The following TRAPPC10 variants were observed in gnomAD, a reference collection of about 807,000 sequenced individuals.
The protein encoded by TRAPPC10 is TRAPP 130 kDa subunit.
TRAPPC10 carries 23 observed loss-of-function variants against 125.5 expected under a neutral mutation model. That is an observed-to-expected ratio of 0.18 (90% CI 0.13 to 0.26). The LOEUF is 0.26. Among genes scored for constraint, TRAPPC10 ranks in the 10% least tolerant of loss-of-function variants. The probability of loss-of-function intolerance (pLI) is 1.00; values close to 1 mark genes in which losing one functional copy is unlikely to be tolerated. For synonymous variants in TRAPPC10, 509 were observed against 518.0 expected (o/e 0.98, Z 0.24); for missense variants, 1,123 against 1,308.4 (o/e 0.86, Z 2.19).
chr21:44,044,286 CTT>C (rs11423988), intron 3 of TRAPPC10, among the ~76,000 whole-genome samples: 1 of 150,694 alleles, frequency 6.6e-6, no homozygotes, highest in African/African-American at 2.5e-5. Flanking sequence ...TTGAATGAGA[CTT>C]TTTTCCTTAA....
At chr21:44,056,502 A>T (rs1041084717) in intron 5 of TRAPPC10, among the ~76,000 whole-genome samples, 4 of 152,192 alleles carry the variant, frequency 2.6e-5, no homozygotes, top group African/African-American at 9.7e-5. Context: ...ACCTGAATGA[A>T]ATGATAAGGC....
At chr21:44,049,990 C>T (rs1352401929) in intron 3 of TRAPPC10, among the ~76,000 whole-genome samples, 1 of 152,004 alleles carries the variant, frequency 6.6e-6, no homozygotes, top group Non-Finnish European at 1.5e-5. Context: ...TACAATTCTC[C>T]TGCCTCAGCC....
chr21:44,089,860 T>G lies in TRAPPC10; in HGVS notation c.2797T>G (p.Tyr933Asp), dbSNP rs771794167. 1 of 1,613,954 alleles carries G rather than the reference T, an allele frequency of 6.2e-7. No individual in the cohort carries two copies. The highest frequency in any genetic ancestry group is 1.1e-5 in the South Asian group (1 of 91,062). Residue 933 changes from tyrosine (Y) to aspartate (D), a missense_variant, in exon 18 of 23, where the codon TAC becomes GAC. Tyr to Asp is a radical substitution (Grantham distance 160). Around this residue, in one of 4 missense-constraint regions of TRAPPC10, gnomAD observed 840 missense variants for 902.0 expected, o/e 0.93. Transcript: ENST00000291574. ...KVSIDCPWSI[Y>D]STVIALTFSV... ...GTCGATTGACTGCCCGTGGTCCATCTACTCCACAGTCATCGCACTGACCTT... is the reference window on the plus strand; with the variant it reads ...GTCGATTGACTGCCCGTGGTCCATCGACTCCACAGTCATCGCACTGACCTT...
intron 19 of TRAPPC10, among the ~76,000 whole-genome samples, chr21:44,092,864 T>A (rs898785150): frequency 1.3e-5 from 2 of 152,236 alleles, no homozygotes; most frequent in Non-Finnish European, 2.9e-5. Flanking sequence ...TCGTGTGATC[T>A]TGCCTCACTG....
At chr21:44,023,126 G>A (rs138479832) in intron 1 of TRAPPC10, among the ~76,000 whole-genome samples, 47 of 136,404 alleles carry the variant, frequency 3.4e-4, no homozygotes, top group African/African-American at 8.5e-4. Flanking sequence ...TCCACCTCCC[G>A]GGTTCACGCC....
chr21:44,062,839 A>G, intron 6 of TRAPPC10: 1 of 985,400 alleles, frequency 1.0e-6, no homozygotes, highest in Non-Finnish European at 1.2e-6. Context: ...TGGTTATGAC[A>G]CCTCTCTGTT....
At chr21:44,040,092 T>C (rs2034303317) in intron 3 of TRAPPC10, among the ~76,000 whole-genome samples, 1 of 152,244 alleles carries the variant, frequency 6.6e-6, no homozygotes, top group African/African-American at 2.4e-5. Context: ...CTTTTCCTTT[T>C]GGACAGTATG....
At chr21:44,015,083 T>C (rs1052501316) in intron 1 of TRAPPC10, among the ~76,000 whole-genome samples, 2 of 152,240 alleles carry the variant, frequency 1.3e-5, no homozygotes, top group Non-Finnish European at 2.9e-5. Context: ...CTTTTTAATA[T>C]TATGTACATA....
In TRAPPC10 at chr21:44,086,942, G is replaced by A. The variant is rs201544249; in HGVS notation, c.2521G>A (p.Val841Ile). 26 of 1,614,182 alleles carry A rather than the reference G, an allele frequency of 1.6e-5. No individual in the cohort carries two copies. In the Admixed American group the frequency reaches 3.3e-4, roughly 21 times the overall value. Residue 841 changes from valine (V) to isoleucine (I), a missense_variant, in exon 16 of 23, where the codon GTC (valine) becomes ATC (isoleucine). Physicochemically the swap from Val to Ile is conservative, Grantham distance 29. Around this residue, in one of 4 missense-constraint regions of TRAPPC10, gnomAD observed 840 missense variants for 902.0 expected, o/e 0.93. Transcript: ENST00000291574. ...ILCQAESRAV[V>I]YSNTREQSSE... ...GTGCCAGGCGGAGAGCAGGGCTGTG[G>A]TCTACTCCAACACGAGAGGTGAGGT...
At chr21:44,047,791 T>C (rs2034959942) in intron 3 of TRAPPC10, among the ~76,000 whole-genome samples, 1 of 152,224 alleles carries the variant, frequency 6.6e-6, no homozygotes, top group South Asian at 2.1e-4. Flanking sequence ...GTCTTTTTCT[T>C]AATTAAGTAT....
intron 4 of TRAPPC10, 67 bp from the exon 5 acceptor site, chr21:44,055,631 G>A: frequency 7.8e-7 from 1 of 1,287,530 alleles, no homozygotes; most frequent in Non-Finnish European, 1.1e-6. Context: ...CAGGACAATG[G>A]CAGCTGCTGA....
chr21:44,038,840 T>G (rs2034189123), intron 3 of TRAPPC10, among the ~76,000 whole-genome samples: 1 of 152,192 alleles, frequency 6.6e-6, no homozygotes, highest in Non-Finnish European at 1.5e-5. Flanking sequence ...ACCCTTTCTC[T>G]GCTGACTTTG....
intron 13 of TRAPPC10, among the ~76,000 whole-genome samples, chr21:44,081,026 T>TTTTTTTTTTTTTTTTTTTTTTTC (rs2037694039): frequency 7.2e-6 from 1 of 138,638 alleles, no homozygotes; most frequent in African/African-American, 3.0e-5. Context: ...TCTTTTTTTT[T>TTTTTTTTTTTTTTTTTTTTTTTC]TTTTTTTTTT....
chr21:44,027,859 A>C (rs1462058321), intron 1 of TRAPPC10, among the ~76,000 whole-genome samples: 2 of 151,988 alleles, frequency 1.3e-5, no homozygotes, highest in African/African-American at 4.8e-5. Context: ...GGCCCCAGAG[A>C]TCTCCCTTGC....
intron 3 of TRAPPC10, among the ~76,000 whole-genome samples, chr21:44,044,773 C>T (rs1315782206): frequency 6.6e-6 from 1 of 150,960 alleles, no homozygotes; most frequent in African/African-American, 2.4e-5. Flanking sequence ...AATCGATACT[C>T]CTGCCTCAGC....
intron 5 of TRAPPC10, 113 bp downstream of exon 5, chr21:44,056,006 C>A: frequency 2.0e-6 from 2 of 983,796 alleles, no homozygotes; most frequent in Non-Finnish European, 2.9e-6. Context: ...ATCTCATTGG[C>A]AGAGTTTTTA....
intron 1 of TRAPPC10, among the ~76,000 whole-genome samples, chr21:44,012,874 ACCGCCCCGTC>A (rs1466623819): frequency 2.0e-5 from 3 of 151,474 alleles, no homozygotes; most frequent in African/African-American, 7.3e-5. Flanking sequence ...GGGGGCTGCC[ACCGCCCCGTC>A]CCGCCCCCGT....
intron 7 of TRAPPC10, among the ~76,000 whole-genome samples, chr21:44,072,351 C>T (rs1033060014): frequency 2.6e-5 from 4 of 152,202 alleles, no homozygotes; most frequent in Admixed American, 2.0e-4. Flanking sequence ...TCCTCTGCCG[C>T]GGCTCCGCTG....
rs374779003 is a variant in TRAPPC10, at chr21:44,082,796, A to G, written c.1732A>G (p.Ile578Val). ...ATAATGTCTATTTACAGGTCATAAG[A>G]TAGTGCTACCCATGCATTCCTTTGC... ...SQPSDSPGHK[I>V]VLPMHSFAQL... Residue 578 changes from isoleucine (I) to valine (V), a missense_variant, in exon 14 of 23, where the codon ATA becomes GTA. Physicochemically the swap from Ile to Val is conservative, Grantham distance 29. Transcript: ENST00000291574. This position sits in a 1 kb window ranked among gnomAD's most constrained non-coding sequence, Gnocchi z 4.4. The G allele has an allele frequency of 3.6e-5, 58 of 1,613,622 alleles. No homozygotes were observed. The African/African-American group carries it at 6.0e-4, about 17-fold the overall frequency.
Sources: gnomAD v4.1 joint callset for allele counts (sites outside exome capture counted in the v4.1 genomes callset) on GRCh38, gnomAD v4.1.1 for gene constraint, gnomAD v4.1.1 regional missense constraint, Gnocchi (gnomAD v3.1) non-coding constraint, MANE v1.5 for transcripts, NCBI Gene and HGNC (gene_info 2026-07-23, HGNC 2026-07-21) for gene names.